The following CEP250 variants were observed in gnomAD, a reference collection of about 807,000 sequenced individuals.
The protein encoded by CEP250 is centrosomal protein 250, also known as centrosome-associated protein CEP250.
In CEP250, 242 loss-of-function variants were observed where a neutral mutation model predicts 315.7. The ratio of observed to expected loss-of-function variants is 0.77; its 90% CI spans 0.69 to 0.85. The LOEUF (loss-of-function observed/expected upper bound fraction) is 0.85. Among genes scored for constraint, CEP250 ranks in the 40% least tolerant of loss-of-function variants. The pLI, the probability that CEP250 is intolerant of heterozygous loss-of-function variation, is 0.00. For missense variants in CEP250, 2,515 were observed against 2,886.4 expected, an observed-to-expected ratio of 0.87 and a Z score of 2.95; for synonymous variants, 1,088 against 1,175.0, an observed-to-expected ratio of 0.93 and a Z score of 1.51.
Position 35,503,576 on chromosome 20 carries a change from A to T in CEP250, c.5207A>T (p.Lys1736Met). 1 of 1,614,128 alleles carries T rather than the reference A, an allele frequency of 6.2e-7. No individual in the cohort carries two copies. Among genetic ancestry groups the T allele is most frequent in the Non-Finnish European group, 8.5e-7 (1 of 1,180,002 alleles). Reference sequence around the variant, plus strand: ...AAGCTGATCCTGCGTGATAAGGAGAAGGAGGTGGAATGTCAGCAGGAGCAT... The same window carrying T: ...AAGCTGATCCTGCGTGATAAGGAGATGGAGGTGGAATGTCAGCAGGAGCAT... ...HMKLILRDKE[K>M]EVECQQEHIH... The change falls in exon 30 of 35, where the codon AAG becomes ATG. Residue 1736 changes from lysine (K) to methionine (M), a missense_variant. Coordinates refer to ENST00000397527, the MANE Select transcript of CEP250 (RefSeq NM_007186.6). This position sits in a 1 kb window ranked among gnomAD's most constrained non-coding sequence, Gnocchi z 4.2.
chr20:35,480,155 C>G lies in CEP250; in HGVS notation c.2586+10C>G. 6.2e-7 allele frequency: 1 copy of G among 1,607,202 alleles called. No individual in the cohort carries two copies. Among genetic ancestry groups the G allele is most frequent in the Non-Finnish European group, 8.5e-7 (1 of 1,177,544 alleles). On this transcript the variant is annotated intron_variant, in intron 20 of 34. Coordinates refer to ENST00000397527, the MANE Select transcript of CEP250 (RefSeq NM_007186.6). The stretch of plus-strand genomic sequence containing the variant: ...GCTCCGGGAGAAATGGGTAAGTGGT[C>G]AATGTGGCCGGGTATGGCCTCCCTT...
intron 21 of CEP250, 136 bp from the exon 22 acceptor site, chr20:35,491,076 G>C: frequency 9.0e-7 from 1 of 1,106,778 alleles, no homozygotes; most frequent in Non-Finnish European, 1.3e-6. Flanking sequence ...GAACCCATGG[G>C]CTCAGACCTT....
In CEP250 at chr20:35,462,484, G is replaced by T; in HGVS notation, c.117G>T (p.Trp39Cys). 6.2e-7 allele frequency: 1 copy of T among 1,609,502 alleles called. No individual in the cohort carries two copies. Among genetic ancestry groups the T allele is most frequent in the South Asian group, 1.1e-5 (1 of 90,160 alleles). ...QQMAENQAAS[W>C]RKLKNSQEAQ... The stretch of plus-strand genomic sequence containing the variant: ...TGGCAGAGAATCAGGCAGCCTCCTG[G>T]CGGAAGCTGAAGAACTCCCAGGAGG... The change falls in exon 4 of 35, where the codon TGG becomes TGT. Residue 39 changes from tryptophan to cysteine, a missense_variant. Transcript: ENST00000397527.
intron 5 of CEP250, among the ~76,000 whole-genome samples, chr20:35,465,228 T>G (rs557101558): frequency 5.3e-5 from 8 of 152,260 alleles, no homozygotes; most frequent in African/African-American, 1.9e-4. Flanking sequence ...AAGAACAGCC[T>G]GGCCAACATG....
Position 35,516,681 on chromosome 20 carries a change from T to G in CEP250, c.*5055T>G, listed in dbSNP as rs1360912583. On this transcript the variant is annotated 3_prime_UTR_variant, in exon 35 of 35. Coordinates refer to ENST00000397527, the MANE Select transcript of CEP250 (RefSeq NM_007186.6). Reference sequence around the variant, plus strand: ...AGCTCACCTCTAGGCACACAGAACCTGGACACAGATGAAAGTTTGCAGAAT... The same window carrying G: ...AGCTCACCTCTAGGCACACAGAACCGGGACACAGATGAAAGTTTGCAGAAT... The G allele has an allele frequency of 2.0e-5, 3 of 152,276 alleles. No individual in the cohort carries two copies. Among genetic ancestry groups the G allele is most frequent in the African/African-American group, 7.2e-5 (3 of 41,464 alleles). 9.4% of individuals were successfully genotyped at this position (152,276 alleles called of 1,614,324 possible). A position where few individuals can be genotyped will look rare whatever the true frequency, so the allele number is the denominator to read the frequency against.
intron 33 of CEP250, among the ~76,000 whole-genome samples, 170 bp from the exon 34 acceptor site, chr20:35,509,828 C>T (rs1388603157): frequency 6.6e-6 from 1 of 152,240 alleles, no homozygotes; most frequent in African/African-American, 2.4e-5. Flanking sequence ...TGGGGCCTCT[C>T]CTTGCTGCAG....
intron 29 of CEP250, 133 bp downstream of exon 29, chr20:35,502,099 G>A: frequency 9.1e-7 from 1 of 1,095,586 alleles, no homozygotes. Context: ...TGTCCCTGGG[G>A]GCCATTATTC....
At chr20:35,463,509 G>T in intron 4 of CEP250, 66 bp from the exon 5 acceptor site, 1 of 1,436,794 alleles carries the variant, frequency 7.0e-7, no homozygotes, top group Non-Finnish European at 9.4e-7. Context: ...GATCCTCAGG[G>T]GCCTTTGCTT....
chr20:35,503,587 T>C lies in CEP250; in HGVS notation c.5218T>C (p.Cys1740Arg), dbSNP rs765859053. The C allele has an allele frequency of 4.0e-5, 65 of 1,613,972 alleles. No individual in the cohort carries two copies. In the East Asian group the frequency reaches 1.4e-3, roughly 36 times the overall value. ...ILRDKEKEVE[C>R]QQEHIHELQE... ...GCGTGATAAGGAGAAGGAGGTGGAATGTCAGCAGGAGCATATCCATGAACT... is the reference window on the plus strand; with the variant it reads ...GCGTGATAAGGAGAAGGAGGTGGAACGTCAGCAGGAGCATATCCATGAACT... The change falls in exon 30 of 35, where the codon TGT becomes CGT. Residue 1740 changes from cysteine to arginine, a missense_variant. Cys to Arg is a radical substitution (Grantham distance 180, BLOSUM62 -3). Transcript: ENST00000397527. This position sits in a 1 kb window ranked among gnomAD's most constrained non-coding sequence, Gnocchi z 4.2.
rs775863903 is a variant in CEP250 at position 35,503,564 on chromosome 20, G to A, written c.5195G>A (p.Arg1732His). 6.8e-6 allele frequency: 11 copies of A among 1,614,010 alleles called. No homozygotes were observed. Among genetic ancestry groups the A allele is most frequent in the Admixed American group, 5.0e-5 (3 of 60,000 alleles). The part of the protein sequence containing the change: ...GSLEHMKLIL[R>H]DKEKEVECQQ... The stretch of plus-strand genomic sequence containing the variant: ...CTAGAGCACATGAAGCTGATCCTGC[G>A]TGATAAGGAGAAGGAGGTGGAATGT... Residue 1732 changes from arginine (R) to histidine (H), a missense_variant, in exon 30 of 35, where the codon CGT (arginine) becomes CAT (histidine). Arg to His is a conservative substitution (Grantham distance 29). Coordinates refer to ENST00000397527, the MANE Select transcript of CEP250 (RefSeq NM_007186.6). The surrounding 1 kb of genome is among the most constrained non-coding windows in gnomAD (Gnocchi z 4.2).
chr20:35,502,522 C>T lies in CEP250; in HGVS notation c.4153C>T (p.Arg1385Cys), dbSNP rs372147636. The T allele has an allele frequency of 8.7e-6, 14 of 1,614,030 alleles. No individual in the cohort carries two copies. The highest frequency in any genetic ancestry group is 2.7e-5 in the African/African-American group (2 of 74,936). ...CCTGGAAGAAGACCTGAGAACGGCT[C>T]GCTCAGCACTGAAGCTGAAAAATGA... ...GILEEDLRTA[R>C]SALKLKNEEV... is the part of the protein sequence containing the mutation. Residue 1385 changes from arginine (R) to cysteine (C), a missense_variant, in exon 30 of 35, where the codon CGC becomes TGC. Physicochemically the swap from Arg to Cys is radical, Grantham distance 180. Coordinates refer to ENST00000397527, the MANE Select transcript of CEP250 (RefSeq NM_007186.6).
chr20:35,507,311 A>C (rs781384822), intron 30 of CEP250, among the ~76,000 whole-genome samples: 3 of 152,132 alleles, frequency 2.0e-5, no homozygotes, highest in Non-Finnish European at 4.4e-5. Flanking sequence ...TCGTTTTATA[A>C]ATGAGGAAAT....
At chr20:35,495,179 G>A (rs1236120456) in intron 24 of CEP250, among the ~76,000 whole-genome samples, 1 of 152,224 alleles carries the variant, frequency 6.6e-6, no homozygotes, top group Non-Finnish European at 1.5e-5. Flanking sequence ...AGTTTACAGT[G>A]TTAACTGAAA....
Position 35,503,958 on chromosome 20 carries a change from C to G in CEP250, c.5589C>G (p.Asp1863Glu), listed in dbSNP as rs750440824. The stretch of plus-strand genomic sequence containing the variant: ...AGGAGCGTCATGGAGAGCTTCAGGA[C>G]CACAAGGAACAGGCACGAAGGCTGG... ...TLKERHGELQDHKEQARRLEE... is the reference protein window; with the variant it reads ...TLKERHGELQEHKEQARRLEE... Residue 1863 changes from aspartate to glutamate, a missense_variant, in exon 30 of 35, where the codon GAC becomes GAG. Coordinates refer to ENST00000397527, the MANE Select transcript of CEP250 (RefSeq NM_007186.6). This position sits in a 1 kb window ranked among gnomAD's most constrained non-coding sequence, Gnocchi z 4.2. 6.2e-7 allele frequency: 1 copy of G among 1,612,670 alleles called. No homozygotes were observed. The highest frequency in any genetic ancestry group is 2.2e-5 in the East Asian group (1 of 44,862).
intron 3 of CEP250, among the ~76,000 whole-genome samples, chr20:35,461,353 C>T (rs2062750718): frequency 6.6e-6 from 1 of 151,992 alleles, no homozygotes; most frequent in Admixed American, 6.6e-5. Context: ...CATCTGAGGT[C>T]ACAGAGCCCA....
rs1175317993 is a variant in CEP250 at position 35,458,381 on chromosome 20, C to G, written c.-227+7C>G. On this transcript the variant is annotated splice_region_variant and intron_variant, in intron 2 of 34. Transcript: ENST00000397527. ...CCTTAGCAAAAGTAGGAAGGTAGGT[C>G]TTGTTCATTTCTGTACCACTGTGGC... 1 of 152,146 alleles carries G rather than the reference C, an allele frequency of 6.6e-6. No individual in the cohort carries two copies. The highest frequency in any genetic ancestry group is 1.5e-5 in the Non-Finnish European group (1 of 68,024). The allele number at this position is 152,146 out of a possible 1,614,324, so 9.4% of individuals were successfully genotyped here.
intron 25 of CEP250, among the ~76,000 whole-genome samples, chr20:35,497,171 G>T (rs914535029): frequency 6.6e-6 from 1 of 152,120 alleles, no homozygotes; most frequent in African/African-American, 2.4e-5. Context: ...GAAGGAATGG[G>T]GTGTAAGAGC....
rs1337053066 is a variant in CEP250 at position 35,490,631 on chromosome 20, G to A, written c.2587-6G>A. 6.2e-7 allele frequency: 1 copy of A among 1,610,590 alleles called. No individual in the cohort carries two copies. The highest frequency in any genetic ancestry group is 8.5e-7 in the Non-Finnish European group (1 of 1,179,226). On this transcript the variant is annotated splice_polypyrimidine_tract_variant and splice_region_variant and intron_variant, in intron 20 of 34. Transcript: ENST00000397527. ...GGTTCTAATGGTGTTTCCTTCATGT[G>A]GCCAGGAGAAGGAGCGCTCCTGGCA...
In CEP250 at chr20:35,472,710, C is replaced by G. The variant is rs766725096; in HGVS notation, c.1088C>G (p.Ser363Cys). ...VEEGDNIAQG[S>C]GHENSLELDS... The stretch of plus-strand genomic sequence containing the variant: ...GAAGGGGACAATATAGCCCAAGGCT[C>G]TGGTCATGAGAACTCTTTGGAATTG... The change falls in exon 12 of 35, where the codon TCT becomes TGT. Residue 363 changes from serine to cysteine, a missense_variant. Physicochemically the swap from Ser to Cys is moderately radical, Grantham distance 112. Coordinates refer to ENST00000397527, the MANE Select transcript of CEP250 (RefSeq NM_007186.6). 1 of 1,614,170 alleles carries G rather than the reference C, an allele frequency of 6.2e-7. No homozygotes were observed. The highest frequency in any genetic ancestry group is 8.5e-7 in the Non-Finnish European group (1 of 1,180,024).
Sources: gnomAD v4.1 joint callset for allele counts (sites outside exome capture counted in the v4.1 genomes callset) on GRCh38, gnomAD v4.1.1 for gene constraint, Gnocchi (gnomAD v3.1) non-coding constraint, MANE v1.5 for transcripts, NCBI Gene and HGNC (gene_info 2026-07-23, HGNC 2026-07-21) for gene names.